Variants in MTOR observed in about 807,000 individuals in gnomAD.
MTOR encodes serine/threonine-protein kinase mTOR.
A neutral mutation model predicts 319.8 loss-of-function variants in MTOR; 70 were observed. The ratio of observed to expected loss-of-function variants is 0.22; its 90% CI spans 0.18 to 0.27. The LOEUF is 0.27. MTOR is among the 10% of genes least tolerant of loss of function. The pLI is 1.00. For missense variants in MTOR, 1,890 were observed against 3,274.4 expected (o/e 0.58, Z 10.32); for synonymous variants, 1,183 against 1,211.4 (o/e 0.98, Z 0.49).
At position 11,237,386 on chromosome 1, in the gene MTOR, T is replaced by C. The variant is rs374792337; in HGVS notation, c.2208+457A>G. ...AAGCCAGGATCACAGACTGGAGCAA[T>C]GACTATTAGAACAAATAGTGGAAAC... On this transcript the variant is annotated intron_variant, in intron 13 of 57. Coordinates refer to ENST00000361445, the MANE Select transcript of MTOR (RefSeq NM_004958.4). 1.3e-3 allele frequency among the ~76,000 whole-genome samples: 193 copies of C among 152,250 alleles called. 1 individual carries two copies. Among genetic ancestry groups the C allele is most frequent in the South Asian group, 5.0e-3 (24 of 4,818 alleles).
intron 31 of MTOR, among the ~76,000 whole-genome samples, chr1:11,147,650 C>T (rs989982102): frequency 2.6e-5 from 4 of 152,098 alleles, no homozygotes; most frequent in Admixed American, 6.6e-5. Flanking sequence ...AAAAATGTTC[C>T]GGATCTAGCC....
intron 28 of MTOR, among the ~76,000 whole-genome samples, chr1:11,169,347 C>T (rs184709146): frequency 6.6e-5 from 10 of 152,298 alleles, no homozygotes; most frequent in Admixed American, 2.0e-4. Context: ...GTTTCACTAA[C>T]GGGGAAGCTA....
intron 9 of MTOR, 94 bp from the exon 10 acceptor site, chr1:11,241,775 C>T: frequency 6.8e-7 from 1 of 1,462,010 alleles, no homozygotes; most frequent in Non-Finnish European, 9.4e-7. Context: ...GCAGGTTACT[C>T]AGGCAGGGCT....
chr1:11,129,216 C>T lies in MTOR; in HGVS notation c.5715-265G>A, dbSNP rs376961567. 6.6e-5 allele frequency among the ~76,000 whole-genome samples: 10 copies of T among 152,172 alleles called. No homozygotes were observed. Among genetic ancestry groups the T allele is most frequent in the Non-Finnish European group, 1.2e-4 (8 of 68,032 alleles). ...GGCATGTATGCAAACATCAAACAGA[C>T]GAGCCAGGATAACCTTTAGAAAGCC... On this transcript the variant is annotated intron_variant, in intron 40 of 57. Transcript: ENST00000361445. The surrounding 1 kb of genome is among the most constrained non-coding windows in gnomAD (Gnocchi z 4.7).
At chr1:11,221,445 C>T (rs945326680) in intron 19 of MTOR, among the ~76,000 whole-genome samples, 4 of 152,068 alleles carry the variant, frequency 2.6e-5, no homozygotes, top group Admixed American at 2.6e-4. Flanking sequence ...ATTGTTAATA[C>T]TAACATTGGT....
At chr1:11,255,382 CAAAAAAAAAAAAAAAAA>C (rs56328160) in intron 5 of MTOR, among the ~76,000 whole-genome samples, 1 of 98,236 alleles carries the variant, frequency 1.0e-5, no homozygotes, top group Non-Finnish European at 1.8e-5. Context: ...ACTCCATCTC[CAAAAAAAAAAAAAAAAA>C]AAAAAAAAAA....
chr1:11,203,224 CAAAAAT>C (rs899784475), intron 26 of MTOR, among the ~76,000 whole-genome samples: 11 of 151,398 alleles, frequency 7.3e-5, no homozygotes, highest in Non-Finnish European at 1.5e-4. Context: ...AAAACAAAAA[CAAAAAT>C]GAAAACAAAA....
Position 11,145,201 on chromosome 1 carries a change from T to G in MTOR, c.4687-156A>C, listed in dbSNP as rs534746948. 47 of 651,092 alleles carry G rather than the reference T, an allele frequency of 7.2e-5. No individual in the cohort carries two copies. The African/African-American group carries it at 8.2e-4, about 11-fold the overall frequency. The allele number at this position is 651,092 out of a possible 1,614,324, so 40.3% of individuals were successfully genotyped here. A position where few individuals can be genotyped will look rare whatever the true frequency, so the allele number is the denominator to read the frequency against. On this transcript the variant is annotated intron_variant, in intron 32 of 57. Transcript: ENST00000361445. ...AGAAGGGCATTTTCCCAGAACTGAA[T>G]GGCTTGAGAGGAGGTATTATCCAAT...
chr1:11,255,846 C>CAAAAAAAA, intron 5 of MTOR, 146 bp downstream of exon 5: 1 of 532,692 alleles, frequency 1.9e-6, no homozygotes, highest in Non-Finnish European at 2.9e-6. Flanking sequence ...GACTCCATCA[C>CAAAAAAAA]AAAAAAAAAA....
intron 28 of MTOR, among the ~76,000 whole-genome samples, chr1:11,174,692 T>C (rs1242493576): frequency 1.3e-5 from 2 of 152,212 alleles, no homozygotes; most frequent in Non-Finnish European, 2.9e-5. Context: ...TATGTTCGGC[T>C]CCTGTGAAGA....
rs2100422898 is a variant in MTOR at position 11,129,706 on chromosome 1, T to C, written c.5714+32A>G. The C allele has an allele frequency of 6.3e-7, 1 of 1,588,530 alleles. No homozygotes were observed. Among genetic ancestry groups the C allele is most frequent in the Non-Finnish European group, 8.6e-7 (1 of 1,157,704 alleles). The stretch of plus-strand genomic sequence containing the variant: ...TCTAGGTCTTGCCATTAACATGGCC[T>C]ACCAGAGTTGCATCCTTCCCTTCTC... On this transcript the variant is annotated intron_variant, in intron 40 of 57. Transcript: ENST00000361445. This position sits in a 1 kb window ranked among gnomAD's most constrained non-coding sequence, Gnocchi z 4.7.
intron 28 of MTOR, among the ~76,000 whole-genome samples, chr1:11,184,587 C>A (rs1199452864): frequency 6.6e-6 from 1 of 152,072 alleles, no homozygotes; most frequent in African/African-American, 2.4e-5. Context: ...TAAAAACAGG[C>A]AGGCGTGTTG....
intron 30 of MTOR, among the ~76,000 whole-genome samples, chr1:11,151,889 T>G (rs1644157928): frequency 6.6e-6 from 1 of 152,226 alleles, no homozygotes; most frequent in South Asian, 2.1e-4. Flanking sequence ...ATCAGCTGAT[T>G]CTGTGCCACA....
At chr1:11,248,540 G>T (rs755939863) in intron 6 of MTOR, among the ~76,000 whole-genome samples, 6 of 152,228 alleles carry the variant, frequency 3.9e-5, no homozygotes, top group Non-Finnish European at 8.8e-5. Context: ...GGCCAGGCGT[G>T]GTGGCTCATG....
chr1:11,194,481 C>T (rs773214289), intron 28 of MTOR: 13 of 1,614,128 alleles, frequency 8.1e-6, no homozygotes, highest in Non-Finnish European at 9.3e-6. Flanking sequence ...GCAACCTGCG[C>T]TACGCTGAGT....
chr1:11,206,019 A>G (rs932797754), intron 25 of MTOR, among the ~76,000 whole-genome samples: 4 of 152,256 alleles, frequency 2.6e-5, no homozygotes, highest in Non-Finnish European at 4.4e-5. Flanking sequence ...CTATCACTTT[A>G]TGTCAAAAAC....
rs988204264 is a variant in MTOR, at chr1:11,127,540, T to C, written c.6216+84A>G. On this transcript the variant is annotated intron_variant, in intron 44 of 57. Transcript: ENST00000361445. This position sits in a 1 kb window ranked among gnomAD's most constrained non-coding sequence, Gnocchi z 5.5. ...GGCCTTGGGTCACGTCCTTTCATTCTATAAAAACTTTTCTCATTTCATTTT... is the reference window on the plus strand; with the variant it reads ...GGCCTTGGGTCACGTCCTTTCATTCCATAAAAACTTTTCTCATTTCATTTT... 1.6e-5 allele frequency: 23 copies of C among 1,481,068 alleles called. No individual in the cohort carries two copies. Among genetic ancestry groups the C allele is most frequent in the Admixed American group, 2.3e-5 (1 of 43,964 alleles). The allele number at this position is 1,481,068 out of a possible 1,614,324, so 91.7% of individuals were successfully genotyped here. A position where few individuals can be genotyped will look rare whatever the true frequency, so the allele number is the denominator to read the frequency against.
In MTOR at chr1:11,109,181, G is replaced by A. The variant is rs2100285311; in HGVS notation, c.7528+109C>T. ...AAAGACACTCTTTGTCAGCTGCATG[G>A]TGCCAAAGCTCGTCACTAACACCAC... On this transcript the variant is annotated intron_variant, in intron 56 of 57. Transcript: ENST00000361445. This position sits in a 1 kb window ranked among gnomAD's most constrained non-coding sequence, Gnocchi z 4.0. 1.1e-6 allele frequency: 1 copy of A among 893,202 alleles called. No homozygotes were observed. Among genetic ancestry groups the A allele is most frequent in the Non-Finnish European group, 1.8e-6 (1 of 563,404 alleles). 55.3% of individuals were successfully genotyped at this position (893,202 alleles called of 1,614,324 possible).
intron 26 of MTOR, among the ~76,000 whole-genome samples, chr1:11,203,106 G>A (rs1375797807): frequency 2.0e-5 from 3 of 151,362 alleles, no homozygotes; most frequent in South Asian, 2.1e-4. Flanking sequence ...CCAGCTACTC[G>A]GGAGGCTGAG....
Sources: gnomAD v4.1 joint callset for allele counts (sites outside exome capture counted in the v4.1 genomes callset) on GRCh38, gnomAD v4.1.1 for gene constraint, Gnocchi (gnomAD v3.1) non-coding constraint, MANE v1.5 for transcripts, NCBI Gene and HGNC (gene_info 2026-07-23, HGNC 2026-07-21) for gene names.